The following ADAM8 variants were observed in gnomAD, a reference collection of about 807,000 sequenced individuals.
The protein encoded by ADAM8 is ADAM metallopeptidase domain 8.
A neutral mutation model predicts 102.4 loss-of-function variants in ADAM8; 104 were observed. That is an observed-to-expected ratio of 1.02 (90% confidence interval 0.87 to 1.20). ADAM8 has a LOEUF of 1.20. ADAM8 is among the 50% of genes most tolerant of loss of function. The probability of loss-of-function intolerance (pLI) is 0.00; values close to 1 mark genes in which losing one functional copy is unlikely to be tolerated. For missense variants in ADAM8, 1,132 were observed against 1,159.0 expected (o/e 0.98, Z 0.34); for synonymous variants, 517 against 485.2 (o/e 1.07, Z -0.86).
Position 133,272,575 on chromosome 10 carries a change from T to G in ADAM8, c.716A>C (p.Lys239Thr). 6.2e-7 allele frequency: 1 copy of G among 1,609,832 alleles called. No individual in the cohort carries two copies. The highest frequency in any genetic ancestry group is 8.5e-7 in the Non-Finnish European group (1 of 1,178,698). The stretch of plus-strand genomic sequence containing the variant: ...CACCAGGACCACACGGAAGTTGAGT[T>G]TCTGATATAGCTGGAGAGGTGGTGG... ...VVNHVDKLYQ[K>T]LNFRVVLVGL... is the part of the protein sequence containing the mutation. The change falls in exon 9 of 23, where the codon AAA (lysine) becomes ACA (threonine). Residue 239 changes from lysine (K) to threonine (T), a missense_variant. Lys to Thr is a moderately conservative substitution (Grantham distance 78). Coordinates refer to ENST00000445355, the MANE Select transcript of ADAM8 (RefSeq NM_001109.5).
intron 21 of ADAM8, among the ~76,000 whole-genome samples, chr10:133,266,833 C>T (rs1589801934): frequency 6.6e-6 from 1 of 152,156 alleles, no homozygotes; most frequent in African/African-American, 2.4e-5. Flanking sequence ...CAAGGTTAGC[C>T]CAGAGGTGGG....
Position 133,267,911 on chromosome 10 carries a change from G to T in ADAM8, c.2253+18C>A. 3 of 1,258,312 alleles carry T rather than the reference G, an allele frequency of 2.4e-6. No homozygotes were observed. The highest frequency in any genetic ancestry group is 3.7e-5 in the South Asian group (1 of 27,004). The allele number at this position is 1,258,312 out of a possible 1,614,324, so 77.9% of individuals were successfully genotyped here. A position where few individuals can be genotyped will look rare whatever the true frequency, so the allele number is the denominator to read the frequency against. On this transcript the variant is annotated intron_variant, in intron 20 of 22. Transcript: ENST00000445355. ...GCACTGCTTTCGGCCTCATGAACCCGCCAGGGGTGGTGCTTACAGCAGGGG... is the reference window on the plus strand; with the variant it reads ...GCACTGCTTTCGGCCTCATGAACCCTCCAGGGGTGGTGCTTACAGCAGGGG...
At chr10:133,276,747 G>A (rs1425413109) in intron 1 of ADAM8, 25 bp downstream of exon 1, 2 of 1,532,228 alleles carry the variant, frequency 1.3e-6, no homozygotes, top group Non-Finnish European at 1.8e-6. Context: ...CGCTGCGCCC[G>A]GGACGGTTCC....
In ADAM8 at chr10:133,275,803, C is replaced by A. The variant is rs866578929; in HGVS notation, c.47-216G>T. The A allele has an allele frequency of 5.6e-5, 28 of 501,660 alleles. No individual in the cohort carries two copies. In the South Asian group the frequency reaches 6.6e-4, roughly 12 times the overall value. 31.1% of individuals were successfully genotyped at this position (501,660 alleles called of 1,614,324 possible). ...GCCGGTGGGCCTGTGTCCTGCAGCA[C>A]CCACACACAGTGCTCAGAGACGCTG... is the stretch of plus-strand genomic sequence containing the variant. On this transcript the variant is annotated intron_variant, in intron 1 of 22. Coordinates refer to ENST00000445355, the MANE Select transcript of ADAM8 (RefSeq NM_001109.5).
Position 133,271,247 on chromosome 10 carries a change from C to A in ADAM8, c.1327G>T (p.Ala443Ser). 6.2e-7 allele frequency: 1 copy of A among 1,611,566 alleles called. No homozygotes were observed. The highest frequency in any genetic ancestry group is 1.1e-5 in the South Asian group (1 of 90,954). ...RCCNSTTCQL[A>S]EGAQCAHGTC... ...CCGTGCGCACACTGGGCCCCCTCAGCCAGCTGGCAGGTGGTAGAGTTGCAG... is the reference window on the plus strand; with the variant it reads ...CCGTGCGCACACTGGGCCCCCTCAGACAGCTGGCAGGTGGTAGAGTTGCAG... The change falls in exon 13 of 23, where the codon GCT (alanine) becomes TCT (serine). Residue 443 changes from alanine (A) to serine (S), a missense_variant. Physicochemically the swap from Ala to Ser is moderately conservative, Grantham distance 99. Coordinates refer to ENST00000445355, the MANE Select transcript of ADAM8 (RefSeq NM_001109.5).
In ADAM8 at chr10:133,270,407, T is replaced by C. The variant is rs755509527; in HGVS notation, c.1738A>G (p.Thr580Ala). The change falls in exon 16 of 23, where the codon ACT (threonine) becomes GCT (alanine). Residue 580 changes from threonine to alanine, a missense_variant. Physicochemically the swap from Thr to Ala is moderately conservative, Grantham distance 58 (BLOSUM62 0). Coordinates refer to ENST00000445355, the MANE Select transcript of ADAM8 (RefSeq NM_001109.5). ...VCHALTTEDG[T>A]AYEPVPEGTR... Reference sequence around the variant, plus strand: ...CCCTCGGGCACTGGTTCATACGCAGTGCCATCCTCTGTGGTGAGCGCGTGG... The same window carrying C: ...CCCTCGGGCACTGGTTCATACGCAGCGCCATCCTCTGTGGTGAGCGCGTGG... The C allele has an allele frequency of 1.2e-6, 2 of 1,600,846 alleles. No homozygotes were observed. The highest frequency in any genetic ancestry group is 2.2e-5 in the South Asian group (2 of 90,754).
rs749645349 is a variant in ADAM8, at chr10:133,272,958, T to A, written c.635A>T (p.Glu212Val). The stretch of plus-strand genomic sequence containing the variant: ...CCACCTTCCCTGCCCCCAACACACC[T>A]CTGCATTGTCCACGACCACATACAG... ...VELYVVVDNA[E>V]FQMLGSEAAV... The change falls in exon 7 of 23, where the codon GAG becomes GTG. Residue 212 changes from glutamate (E) to valine (V), a missense_variant and splice_region_variant. By Grantham distance (121) the Glu-to-Val change is moderately radical. Coordinates refer to ENST00000445355, the MANE Select transcript of ADAM8 (RefSeq NM_001109.5). The A allele has an allele frequency of 2.5e-6, 4 of 1,611,914 alleles. No homozygotes were observed. The highest frequency in any genetic ancestry group is 3.4e-6 in the Non-Finnish European group (4 of 1,179,682).
At chr10:133,273,477 T>C (rs1487720406) in intron 5 of ADAM8, 34 bp from the exon 6 acceptor site, 10 of 1,512,560 alleles carry the variant, frequency 6.6e-6, no homozygotes, top group Non-Finnish European at 8.9e-6. Flanking sequence ...TGCTGTGGGC[T>C]TCAGAGTGGC....
In ADAM8 at chr10:133,269,452, C is replaced by T; in HGVS notation, c.1941G>A (p.Val647=). The T allele has an allele frequency of 1.3e-6, 2 of 1,594,596 alleles. 1 individual carries two copies. Among genetic ancestry groups the T allele is most frequent in the Middle Eastern group, 3.3e-4 (2 of 6,026 alleles). The change falls in exon 18 of 23, where the codon GTG becomes GTA. Residue 647 remains valine, a synonymous_variant. Transcript: ENST00000445355. ...CTGGCCAGGGAGGCCTACCTGCGTG[C>T]ACCTCAGTCAGCAGCTTCGCGCAGT... ...PPHCAKLLTE[V]HAASGSLPVF...
At chr10:133,271,982 C>T (rs1267844511) in intron 10 of ADAM8, 28 bp from the exon 11 acceptor site, 3 of 1,599,054 alleles carry the variant, frequency 1.9e-6, no homozygotes, top group Non-Finnish European at 2.6e-6. Context: ...CTCTCAGGAA[C>T]CATGTGGCCA....
In ADAM8 at chr10:133,272,604, C is replaced by A; in HGVS notation, c.706-19G>T. 1.9e-6 allele frequency: 3 copies of A among 1,597,004 alleles called. No individual in the cohort carries two copies. The highest frequency in any genetic ancestry group is 2.6e-6 in the Non-Finnish European group (3 of 1,170,954). On this transcript the variant is annotated intron_variant, in intron 8 of 22. Transcript: ENST00000445355. ...GATATAGCTGGAGAGGTGGTGGAGT[C>A]CTGGGGGTCAGGCAGGGTGGCGGAA...
chr10:133,272,645 G>A lies in ADAM8; in HGVS notation c.706-60C>T, dbSNP rs1210281196. 4 of 1,558,528 alleles carry A rather than the reference G, an allele frequency of 2.6e-6. No individual in the cohort carries two copies. The South Asian group carries it at 3.6e-5, about 14-fold the overall frequency. On this transcript the variant is annotated intron_variant, in intron 8 of 22. Transcript: ENST00000445355. ...GGTGGCGGAAGGTACAGCAGGGAGG[G>A]TGGGTGGCGGAGGATGCACCTGTCC...
chr10:133,266,786 G>C (rs1166822160), intron 21 of ADAM8, among the ~76,000 whole-genome samples: 2 of 152,186 alleles, frequency 1.3e-5, no homozygotes, highest in African/African-American at 4.8e-5. Context: ...CAGGGCTGAG[G>C]CCAATGAGCT....
intron 5 of ADAM8, 148 bp from the exon 6 acceptor site, chr10:133,273,591 GGAGGGT>G (rs1846631577): frequency 7.9e-7 from 1 of 1,266,022 alleles, no homozygotes; most frequent in Non-Finnish European, 1.1e-6. Flanking sequence ...CCAGGGTACA[GGAGGGT>G]GAGCCTCTTG....
At chr10:133,263,429 T>C (rs1846223089) in intron 22 of ADAM8, among the ~76,000 whole-genome samples, 196 bp from the exon 23 acceptor site, 3 of 152,316 alleles carry the variant, frequency 2.0e-5, no homozygotes, top group African/African-American at 7.2e-5. Context: ...ACAGACTTTC[T>C]TCCCTGCAGT....
At chr10:133,275,087 G>T (rs986163064) in intron 2 of ADAM8, 1 of 291,242 alleles carries the variant, frequency 3.4e-6, no homozygotes, top group South Asian at 3.2e-5. Context: ...CAGTCGGGGA[G>T]GGGGGCATTC....
chr10:133,270,243 A>G, intron 16 of ADAM8, 117 bp downstream of exon 16: 1 of 1,351,906 alleles, frequency 7.4e-7, no homozygotes, highest in African/African-American at 1.5e-5. Context: ...AAGCGCGGAG[A>G]GAACTCTGTT....
rs754716395 is a variant in ADAM8 at position 133,270,808 on chromosome 10, G to C, written c.1565-3C>G. 1 of 1,608,842 alleles carries C rather than the reference G, an allele frequency of 6.2e-7. No homozygotes were observed. The highest frequency in any genetic ancestry group is 2.2e-5 in the East Asian group (1 of 44,582). On this transcript the variant is annotated splice_region_variant and splice_polypyrimidine_tract_variant and intron_variant, in intron 14 of 22. Coordinates refer to ENST00000445355, the MANE Select transcript of ADAM8 (RefSeq NM_001109.5). The stretch of plus-strand genomic sequence containing the variant: ...GGACTCCTCGGCAGCCTGCCCACCT[G>C]TGGGACCAGAAGCGGGTTAGCCCTG...
Position 133,273,379 on chromosome 10 carries a change from C to T in ADAM8, c.448G>A (p.Gly150Arg), listed in dbSNP as rs1340106949. The stretch of plus-strand genomic sequence containing the variant: ...TCAGCCTGGTACACGGCGTGCCGTC[C>T]GCCCTCGCCACCTTCATCCAGGGGC... The part of the protein sequence containing the change: ...IEPLDEGGEG[G>R]RHAVYQAEHL... Residue 150 changes from glycine (G) to arginine (R), a missense_variant, in exon 6 of 23, where the codon GGA becomes AGA. Gly to Arg is a moderately radical substitution (Grantham distance 125). Transcript: ENST00000445355. 17 of 1,551,858 alleles carry T rather than the reference C, an allele frequency of 1.1e-5. No homozygotes were observed. The highest frequency in any genetic ancestry group is 2.7e-5 in the African/African-American group (2 of 73,178).
Sources: allele counts gnomAD v4.1 joint callset (sites outside exome capture counted in the v4.1 genomes callset), GRCh38; gene constraint gnomAD v4.1.1; transcripts MANE v1.5; gene names NCBI Gene and HGNC (gene_info 2026-07-23, HGNC 2026-07-21).